CSMD1: variants seen among roughly 807,000 people sequenced by gnomAD.
The protein encoded by CSMD1 is CUB and Sushi multiple domains 1.
A neutral mutation model predicts 417.5 loss-of-function variants in CSMD1; 213 were observed. That is an observed-to-expected ratio of 0.51 (90% confidence interval 0.46 to 0.57). The LOEUF is 0.57. Among genes scored for constraint, CSMD1 ranks in the 20% least tolerant of loss-of-function variants. CSMD1 has a pLI of 0.00. For synonymous variants in CSMD1, 2,862 were observed against 1,736.8 expected (o/e 1.65, Z -16.11); for missense variants, 6,923 against 4,529.7 (o/e 1.53, Z -15.17).
chr8:4,792,108 G>A (rs764393387), intron 1 of CSMD1, among the ~76,000 whole-genome samples: 6 of 152,152 alleles, frequency 3.9e-5, no homozygotes, highest in South Asian at 4.1e-4. Context: ...CCCTTCCTCC[G>A]TATTTTCTAA....
intron 2 of CSMD1, among the ~76,000 whole-genome samples, chr8:4,432,573 A>G (rs982264801): frequency 6.6e-6 from 1 of 152,164 alleles, no homozygotes; most frequent in African/African-American, 2.4e-5. Context: ...TGACTTAAAG[A>G]CAGGCAGTAA....
chr8:3,097,078 T>A, intron 46 of CSMD1, 41 bp from the exon 47 acceptor site: 4 of 1,401,018 alleles, frequency 2.9e-6, no homozygotes, highest in Non-Finnish European at 3.8e-6. Context: ...TTTAATAAAA[T>A]GATTCCAACT....
At chr8:4,053,468 G>A (rs1798538610) in intron 3 of CSMD1, among the ~76,000 whole-genome samples, 1 of 151,826 alleles carries the variant, frequency 6.6e-6, no homozygotes, top group South Asian at 2.1e-4. Context: ...TGAAGTTCAA[G>A]GTTTTGGCCA....
intron 2 of CSMD1, among the ~76,000 whole-genome samples, chr8:4,628,770 C>T (rs1054134283): frequency 3.3e-5 from 5 of 152,052 alleles, no homozygotes; most frequent in African/African-American, 1.2e-4. Context: ...GGAGGAGCTT[C>T]CCACAGCCTC....
At chr8:3,649,467 A>T (rs947460141) in intron 7 of CSMD1, among the ~76,000 whole-genome samples, 1 of 152,212 alleles carries the variant, frequency 6.6e-6, no homozygotes, top group Non-Finnish European at 1.5e-5. Flanking sequence ...CTCACAGTTC[A>T]TCATGGCTGG....
In CSMD1 at chr8:3,779,325, A is replaced by G. The variant is rs115317010; in HGVS notation, c.819-25283T>C. Among the ~76,000 whole-genome samples the G allele has an allele frequency of 4.3e-3, 658 of 152,274 alleles. 5 individuals are homozygous for G. The highest frequency in any genetic ancestry group is 0.015 in the African/African-American group (609 of 41,554). On this transcript the variant is annotated intron_variant, in intron 5 of 69. Transcript: ENST00000635120. The stretch of plus-strand genomic sequence containing the variant: ...TTTTCTATTGATTTTTAGAGATTTC[A>G]TAATTTTAAAGTAGTACTGTAGCTA...
Position 2,966,574 on chromosome 8 carries a change from G to A in CSMD1, c.9096C>T (p.Cys3032=), listed in dbSNP as rs1390168234. 17 of 1,612,870 alleles carry A rather than the reference G, an allele frequency of 1.1e-5. No homozygotes were observed. The highest frequency in any genetic ancestry group is 1.3e-5 in the Non-Finnish European group (15 of 1,179,242). ...NGTWTGTAPD[C]TIISCGDPGT... ...CCATGATGTCTGCTTACTAACTTGT[G>A]CAGTCGGGAGCAGTGCCTGTCCAGG... The change falls in exon 58 of 70, where the codon TGC becomes TGT. Residue 3032 remains cysteine, a synonymous_variant. Coordinates refer to ENST00000635120, the MANE Select transcript of CSMD1 (RefSeq NM_033225.6).
At chr8:4,526,257 A>G (rs543846708) in intron 2 of CSMD1, among the ~76,000 whole-genome samples, 6 of 152,360 alleles carry the variant, frequency 3.9e-5, no homozygotes, top group African/African-American at 1.4e-4. Flanking sequence ...TTCCCATTAT[A>G]AAGCAAACAT....
chr8:4,733,064 G>A (rs950952281), intron 1 of CSMD1, among the ~76,000 whole-genome samples: 1 of 151,794 alleles, frequency 6.6e-6, no homozygotes, highest in African/African-American at 2.4e-5. Flanking sequence ...CTAGAAAAAA[G>A]ACCGAGGTTG....
intron 1 of CSMD1, among the ~76,000 whole-genome samples, chr8:4,697,028 T>C (rs1253097371): frequency 1.3e-5 from 2 of 151,814 alleles, no homozygotes; most frequent in East Asian, 3.9e-4. Context: ...AAAAATTATC[T>C]GGGCGTGGTG....
rs543219438 is a variant in CSMD1 at position 4,578,858 on chromosome 8, G to C, written c.302+58484C>G. 1.9e-3 allele frequency among the ~76,000 whole-genome samples: 284 copies of C among 148,178 alleles called. 2 individuals are homozygous for C. The highest frequency in any genetic ancestry group is 7.0e-3 in the African/African-American group (280 of 40,078). ...ACCTATCTTTACAAGCAGAAATGGC[G>C]GCATTATAGAAGGCACATTTTACTA... is the stretch of plus-strand genomic sequence containing the variant. On this transcript the variant is annotated intron_variant, in intron 2 of 69. Coordinates refer to ENST00000635120, the MANE Select transcript of CSMD1 (RefSeq NM_033225.6).
chr8:4,065,558 T>TA (rs1799201019), intron 3 of CSMD1, among the ~76,000 whole-genome samples: 1 of 44,712 alleles, frequency 2.2e-5, no homozygotes, highest in African/African-American at 6.9e-5. Context: ...TAGTAGCTAA[T>TA]CTTTTTTCAC....
At chr8:3,187,452 G>C (rs1468213757) in intron 36 of CSMD1, among the ~76,000 whole-genome samples, 1 of 152,162 alleles carries the variant, frequency 6.6e-6, no homozygotes. Context: ...GGCTACATAT[G>C]AGTAGGGTAG....
At chr8:3,442,534 T>G (rs1327064112) in intron 12 of CSMD1, among the ~76,000 whole-genome samples, 1 of 152,214 alleles carries the variant, frequency 6.6e-6, no homozygotes, top group Middle Eastern at 3.2e-3. Flanking sequence ...GCCTGTAGTA[T>G]TACAGTCACA....
intron 7 of CSMD1, among the ~76,000 whole-genome samples, chr8:3,692,349 A>C (rs1800295271): frequency 6.6e-6 from 1 of 152,202 alleles, no homozygotes; most frequent in Admixed American, 6.5e-5. Context: ...TCAGAGAAAC[A>C]GACTCAGGAA....
chr8:4,919,478 G>A (rs966536446), intron 1 of CSMD1, among the ~76,000 whole-genome samples: 6 of 152,036 alleles, frequency 3.9e-5, no homozygotes, highest in East Asian at 1.9e-4. Context: ...CCATTCCCTG[G>A]CTATTTGAAG....
chr8:4,808,442 G>C (rs956957429), intron 1 of CSMD1, among the ~76,000 whole-genome samples: 1 of 152,138 alleles, frequency 6.6e-6, no homozygotes, highest in African/African-American at 2.4e-5. Flanking sequence ...AAAGAATTAA[G>C]CTCTTGTAAC....
chr8:4,115,006 T>G (rs1171577698), intron 3 of CSMD1, among the ~76,000 whole-genome samples: 1 of 152,210 alleles, frequency 6.6e-6, no homozygotes, highest in African/African-American at 2.4e-5. Context: ...AGAAACCTAG[T>G]TGATAATGCA....
intron 1 of CSMD1, among the ~76,000 whole-genome samples, chr8:4,759,364 G>T (rs1406818368): frequency 2.6e-5 from 4 of 152,168 alleles, no homozygotes; most frequent in Non-Finnish European, 4.4e-5. Context: ...AGTGGACAGG[G>T]CCAGCATGCA....
Sources: gnomAD v4.1 joint callset for allele counts (sites outside exome capture counted in the v4.1 genomes callset) on GRCh38, gnomAD v4.1.1 for gene constraint, MANE v1.5 for transcripts, NCBI Gene and HGNC (gene_info 2026-07-23, HGNC 2026-07-21) for gene names.